GFRA1: variants seen among roughly 807,000 people sequenced by gnomAD.
GFRA1 encodes the protein GDNF family receptor alpha-1.
GFRA1 carries 16 observed loss-of-function variants against 51.6 expected under a neutral mutation model. That is an observed-to-expected ratio of 0.31 (90% CI 0.21 to 0.47). The LOEUF is 0.47. Among genes scored for constraint, GFRA1 ranks in the 20% least tolerant of loss-of-function variants. The probability of loss-of-function intolerance (pLI) is 1.00; values close to 1 mark genes in which losing one functional copy is unlikely to be tolerated. For missense variants in GFRA1, 530 were observed against 594.3 expected (o/e 0.89, Z 1.13); for synonymous variants, 270 against 241.3 (o/e 1.12, Z -1.10).
intron 5 of GFRA1, among the ~76,000 whole-genome samples, chr10:116,145,656 G>A (rs1958768229): frequency 6.6e-6 from 1 of 152,098 alleles, no homozygotes; most frequent in Non-Finnish European, 1.5e-5. Context: ...TATGAAAGGA[G>A]GCAGCTTTCC....
At chr10:116,163,944 C>A (rs1960107490) in intron 5 of GFRA1, among the ~76,000 whole-genome samples, 1 of 152,186 alleles carries the variant, frequency 6.6e-6, no homozygotes. Context: ...GCAATGTCAG[C>A]AAGTCCTTGC....
At chr10:116,232,316 G>T (rs1209842867) in intron 4 of GFRA1, among the ~76,000 whole-genome samples, 1 of 152,146 alleles carries the variant, frequency 6.6e-6, no homozygotes, top group Non-Finnish European at 1.5e-5. Flanking sequence ...TCTTGTCTCA[G>T]AAATAGCAGT....
intron 6 of GFRA1, 137 bp downstream of exon 6, chr10:116,125,084 C>A: frequency 1.3e-6 from 1 of 765,186 alleles, no homozygotes; most frequent in South Asian, 1.5e-5. Context: ...AGATTTTTGC[C>A]AATCCATTCA....
chr10:116,187,837 G>A (rs752664491), intron 5 of GFRA1, among the ~76,000 whole-genome samples: 19 of 152,104 alleles, frequency 1.2e-4, no homozygotes, highest in Non-Finnish European at 2.5e-4. Flanking sequence ...AAAGGCAGCA[G>A]TAAGTTTGCG....
At chr10:116,178,276 G>A (rs377505443) in intron 5 of GFRA1, among the ~76,000 whole-genome samples, 5 of 129,964 alleles carry the variant, frequency 3.8e-5, no homozygotes, top group African/African-American at 1.5e-4. Context: ...CCCTTCCCTG[G>A]AGCATGTGAG....
At chr10:116,180,171 T>A (rs1962070567) in intron 5 of GFRA1, among the ~76,000 whole-genome samples, 1 of 152,212 alleles carries the variant, frequency 6.6e-6, no homozygotes. Flanking sequence ...AGTGCCTGGC[T>A]GAGGTGAACA....
chr10:116,249,624 T>C (rs1202974607), intron 4 of GFRA1, among the ~76,000 whole-genome samples: 2 of 152,234 alleles, frequency 1.3e-5, no homozygotes, highest in Non-Finnish European at 2.9e-5. Flanking sequence ...TGTACACCTC[T>C]GCCCTGCTTC....
chr10:116,260,688 A>C (rs573987512), intron 4 of GFRA1, among the ~76,000 whole-genome samples: 2 of 152,332 alleles, frequency 1.3e-5, no homozygotes, highest in African/African-American at 4.8e-5. Context: ...AAAGGTTAAC[A>C]ATAGCTGCTT....
chr10:116,088,355 G>A (rs946301495), intron 9 of GFRA1, among the ~76,000 whole-genome samples: 2 of 152,138 alleles, frequency 1.3e-5, no homozygotes, highest in Non-Finnish European at 2.9e-5. Flanking sequence ...ACAGTGCTTG[G>A]CACATAGGCC....
intron 5 of GFRA1, among the ~76,000 whole-genome samples, chr10:116,169,559 C>G (rs1960828536): frequency 1.3e-5 from 2 of 152,164 alleles, no homozygotes; most frequent in African/African-American, 4.8e-5. Context: ...GAAGAAGTGT[C>G]CAAACATCAA....
At chr10:116,096,924 C>T (rs1453691122) in intron 6 of GFRA1, among the ~76,000 whole-genome samples, 160 bp from the exon 7 acceptor site, 7 of 151,858 alleles carry the variant, frequency 4.6e-5, no homozygotes, top group African/African-American at 1.2e-4. Flanking sequence ...ACGTAGAAAA[C>T]GTGAGCTAAG....
At chr10:116,113,903 C>T (rs574326763) in intron 6 of GFRA1, among the ~76,000 whole-genome samples, 1 of 152,246 alleles carries the variant, frequency 6.6e-6, no homozygotes, top group Non-Finnish European at 1.5e-5. Context: ...ACGTGTTGCT[C>T]GCCTCATCAT....
chr10:116,231,063 A>G (rs1966648614), intron 4 of GFRA1, among the ~76,000 whole-genome samples: 1 of 152,162 alleles, frequency 6.6e-6, no homozygotes, highest in Non-Finnish European at 1.5e-5. Flanking sequence ...TTCTATTTAA[A>G]AAACATTACT....
At chr10:116,232,075 T>C (rs1184656787) in intron 4 of GFRA1, among the ~76,000 whole-genome samples, 3 of 152,180 alleles carry the variant, frequency 2.0e-5, no homozygotes, top group Non-Finnish European at 2.9e-5. Context: ...TTCTCTTCTC[T>C]CCAACAAAAA....
intron 5 of GFRA1, among the ~76,000 whole-genome samples, chr10:116,180,538 C>T (rs1194137673): frequency 6.6e-6 from 1 of 152,170 alleles, no homozygotes. Flanking sequence ...ATGTATCAAC[C>T]TTCACTCAAT....
chr10:116,099,949 G>A (rs1379130462), intron 6 of GFRA1, among the ~76,000 whole-genome samples: 1 of 152,192 alleles, frequency 6.6e-6, no homozygotes, highest in Admixed American at 6.5e-5. Context: ...TAATTCTGTA[G>A]TCAAGGAAAC....
At chr10:116,163,704 C>T (rs560037152) in intron 5 of GFRA1, among the ~76,000 whole-genome samples, 2 of 152,260 alleles carry the variant, frequency 1.3e-5, no homozygotes, top group South Asian at 4.2e-4. Flanking sequence ...TTCAGCTTCC[C>T]TTTTCAGAAT....
At chr10:116,133,723 C>T (rs1351216330) in intron 5 of GFRA1, among the ~76,000 whole-genome samples, 1 of 152,242 alleles carries the variant, frequency 6.6e-6, no homozygotes, top group African/African-American at 2.4e-5. Flanking sequence ...CTTGGAGGCG[C>T]TGGCCTCTCC....
intron 5 of GFRA1, among the ~76,000 whole-genome samples, chr10:116,166,595 C>G (rs11197562): frequency 1 from 151,448 of 151,966 alleles, 75,470 homozygotes; most frequent in Middle Eastern, 1. Context: ...GTGACCCTGA[C>G]CCTCGGTCTT....
Sources: allele counts gnomAD v4.1 joint callset (sites outside exome capture counted in the v4.1 genomes callset), GRCh38; gene constraint gnomAD v4.1.1; transcripts MANE v1.5; gene names NCBI Gene and HGNC (gene_info 2026-07-23, HGNC 2026-07-21).